The following SEMA5A variants were observed in gnomAD, a reference collection of about 807,000 sequenced individuals.
The protein encoded by SEMA5A is semaphorin-5A.
In SEMA5A, 55 loss-of-function variants were observed where a neutral mutation model predicts 135.5. The observed-to-expected ratio is 0.41, with a 90% confidence interval of 0.33 to 0.51. The LOEUF is 0.51. Ranked by LOEUF, SEMA5A falls within the 20% of genes least tolerant of loss-of-function variation. The pLI is 0.37. For synonymous variants in SEMA5A, 580 were observed against 546.5 expected, an observed-to-expected ratio of 1.06 and a Z score of -0.85; for missense variants, 1,290 against 1,419.9, an observed-to-expected ratio of 0.91 and a Z score of 1.47.
At chr5:9,071,077 A>G (rs1472464078) in intron 16 of SEMA5A, among the ~76,000 whole-genome samples, 1 of 152,230 alleles carries the variant, frequency 6.6e-6, no homozygotes, top group Admixed American at 6.5e-5. Flanking sequence ...TTGGCACCTA[A>G]GGTTCTTAAT....
intron 1 of SEMA5A, among the ~76,000 whole-genome samples, chr5:9,514,823 G>C (rs187609230): frequency 6.0e-4 from 91 of 152,186 alleles, no homozygotes; most frequent in Non-Finnish European, 1.1e-3. Flanking sequence ...GCTTGCTAAG[G>C]TTCCTTCAAA....
intron 11 of SEMA5A, among the ~76,000 whole-genome samples, chr5:9,188,716 G>A (rs765121052): frequency 3.9e-4 from 41 of 103,930 alleles, no homozygotes; most frequent in African/African-American, 1.7e-3. Flanking sequence ...AACCTATTCC[G>A]TGCCGGGTAC....
At chr5:9,397,866 C>A (rs759670743) in intron 2 of SEMA5A, among the ~76,000 whole-genome samples, 2 of 152,046 alleles carry the variant, frequency 1.3e-5, no homozygotes, top group African/African-American at 2.4e-5. Flanking sequence ...TCAAAGACAG[C>A]CCTTAATTAT....
At chr5:9,421,603 CT>C (rs1757471289) in intron 2 of SEMA5A, among the ~76,000 whole-genome samples, 1 of 152,170 alleles carries the variant, frequency 6.6e-6, no homozygotes, top group Admixed American at 6.5e-5. Context: ...TATCAAACCA[CT>C]TTTCCAAAAT....
chr5:9,311,770 G>A (rs1383305231), intron 5 of SEMA5A, among the ~76,000 whole-genome samples: 3 of 151,862 alleles, frequency 2.0e-5, no homozygotes. Flanking sequence ...AAAATAAAAA[G>A]AAGAAAGAAG....
chr5:9,141,456 C>T (rs1742061407), intron 12 of SEMA5A, among the ~76,000 whole-genome samples: 1 of 151,994 alleles, frequency 6.6e-6, no homozygotes, highest in Non-Finnish European at 1.5e-5. Context: ...TTAAAATTTC[C>T]ATAATGTGTT....
At chr5:9,208,893 C>A (rs1351607665) in intron 8 of SEMA5A, among the ~76,000 whole-genome samples, 4 of 152,094 alleles carry the variant, frequency 2.6e-5, no homozygotes, top group African/African-American at 9.7e-5. Context: ...GCAATCAGGG[C>A]CTTGCATCCT....
At chr5:9,238,162 G>T (rs1748011428) in intron 5 of SEMA5A, among the ~76,000 whole-genome samples, 1 of 152,106 alleles carries the variant, frequency 6.6e-6, no homozygotes, top group Non-Finnish European at 1.5e-5. Flanking sequence ...TGTTAGAAAG[G>T]AACAATGAGT....
Position 9,041,600 on chromosome 5 carries a change from C to T in SEMA5A, c.*1297G>A, listed in dbSNP as rs1469666660. ...CCTTACTTCCAGCTATCCTGACTTCCCAAGGTACATCTTGAAATGCTGTTG... is the reference window on the plus strand; with the variant it reads ...CCTTACTTCCAGCTATCCTGACTTCTCAAGGTACATCTTGAAATGCTGTTG... On this transcript the variant is annotated 3_prime_UTR_variant, in exon 23 of 23. Coordinates refer to ENST00000382496, the MANE Select transcript of SEMA5A (RefSeq NM_003966.3). The T allele has an allele frequency of 6.6e-6, 1 of 152,266 alleles. No individual in the cohort carries two copies. Among genetic ancestry groups the T allele is most frequent in the African/African-American group, 2.4e-5 (1 of 41,428 alleles). The allele number at this position is 152,266 out of a possible 1,614,324, so 9.4% of individuals were successfully genotyped here. A position where few individuals can be genotyped will look rare whatever the true frequency, so the allele number is the denominator to read the frequency against.
intron 5 of SEMA5A, chr5:9,280,767 C>T (rs1322254881): frequency 2.4e-6 from 1 of 419,586 alleles, no homozygotes; most frequent in South Asian, 1.8e-5. Flanking sequence ...ATGAGAACAT[C>T]ACTGACAACA....
At chr5:9,481,355 C>T (rs1579612063) in intron 1 of SEMA5A, among the ~76,000 whole-genome samples, 1 of 152,190 alleles carries the variant, frequency 6.6e-6, no homozygotes, top group Admixed American at 6.5e-5. Flanking sequence ...CTGAAGTGGA[C>T]CTATTTTGGT....
At chr5:9,427,569 G>A (rs1011325774) in intron 2 of SEMA5A, among the ~76,000 whole-genome samples, 11 of 152,258 alleles carry the variant, frequency 7.2e-5, no homozygotes, top group African/African-American at 2.2e-4. Flanking sequence ...CTTGGTTGGT[G>A]CATCCCTGTG....
intron 1 of SEMA5A, chr5:9,516,495 C>T (rs1344482716): frequency 6.6e-6 from 1 of 151,188 alleles, no homozygotes; most frequent in African/African-American, 2.4e-5. Context: ...ATAACGCCCA[C>T]TGGACAAAAT....
intron 5 of SEMA5A, among the ~76,000 whole-genome samples, chr5:9,238,748 G>A (rs930413133): frequency 2.6e-5 from 4 of 151,008 alleles, no homozygotes; most frequent in African/African-American, 9.7e-5. Context: ...ACTTTTATAG[G>A]GTAAAAATAT....
chr5:9,361,198 C>G lies in SEMA5A; in HGVS notation c.124+18625G>C, dbSNP rs144840373. Among the ~76,000 whole-genome samples the G allele has an allele frequency of 2.6e-5, 4 of 151,622 alleles. No homozygotes were observed. In the South Asian group the frequency reaches 8.3e-4, roughly 32 times the overall value. Reference sequence around the variant, plus strand: ...CCTGTAATCCCAGCTACTCGGGAGGCTGTGGCACGAGAATCACTTGAACCC... The same window carrying G: ...CCTGTAATCCCAGCTACTCGGGAGGGTGTGGCACGAGAATCACTTGAACCC... On this transcript the variant is annotated intron_variant, in intron 3 of 22. Transcript: ENST00000382496.
At chr5:9,385,119 A>C (rs1028342739) in intron 2 of SEMA5A, among the ~76,000 whole-genome samples, 1 of 152,244 alleles carries the variant, frequency 6.6e-6, no homozygotes, top group Non-Finnish European at 1.5e-5. Context: ...CGTCTACTTC[A>C]AAACCCCTGA....
rs392580 is a variant in SEMA5A, at chr5:9,420,000, G to C, written c.-78+17756C>G. On this transcript the variant is annotated intron_variant, in intron 2 of 22. Coordinates refer to ENST00000382496, the MANE Select transcript of SEMA5A (RefSeq NM_003966.3). Reference sequence around the variant, plus strand: ...CACTGGTTTCAGGATGTGTACTGTTGGGCCCCTCGGTGGCCATATTGGTTC... The same window carrying C: ...CACTGGTTTCAGGATGTGTACTGTTCGGCCCCTCGGTGGCCATATTGGTTC... Among the ~76,000 whole-genome samples the C allele has an allele frequency of 3.2e-3, 485 of 152,180 alleles. 2 individuals carry two copies. The highest frequency in any genetic ancestry group is 0.011 in the African/African-American group (465 of 41,520).
chr5:9,393,440 G>A (rs1756252085), intron 2 of SEMA5A, among the ~76,000 whole-genome samples: 1 of 152,176 alleles, frequency 6.6e-6, no homozygotes, highest in South Asian at 2.1e-4. Flanking sequence ...AGGAGAGGCA[G>A]CCTTGCATAG....
intron 2 of SEMA5A, among the ~76,000 whole-genome samples, chr5:9,381,123 C>T (rs1435156192): frequency 6.6e-6 from 1 of 152,118 alleles, no homozygotes; most frequent in Non-Finnish European, 1.5e-5. Context: ...TTTCAGGCAA[C>T]AAGCTACCAT....
Sources: allele counts gnomAD v4.1 joint callset (sites outside exome capture counted in the v4.1 genomes callset), GRCh38; gene constraint gnomAD v4.1.1; transcripts MANE v1.5; gene names NCBI Gene and HGNC (gene_info 2026-07-23, HGNC 2026-07-21).